The following CNTNAP2 variants were observed in gnomAD, a reference collection of about 807,000 sequenced individuals.
The protein encoded by CNTNAP2 is contactin-associated protein-like 2.
CNTNAP2 carries 98 observed loss-of-function variants against 155.2 expected under a neutral mutation model. The observed-to-expected ratio is 0.63, with a 90% CI of 0.54 to 0.75. The LOEUF (loss-of-function observed/expected upper bound fraction) is 0.75. CNTNAP2 is among the 30% of genes least tolerant of loss of function. The pLI, the probability that CNTNAP2 is intolerant of heterozygous loss-of-function variation, is 0.00. For missense variants in CNTNAP2, 1,727 were observed against 1,688.1 expected (o/e 1.02, Z -0.40); for synonymous variants, 651 against 631.2 (o/e 1.03, Z -0.47).
intron 1 of CNTNAP2, among the ~76,000 whole-genome samples, chr7:146,579,742 C>T (rs1490824499): frequency 6.6e-6 from 1 of 152,044 alleles, no homozygotes; most frequent in Non-Finnish European, 1.5e-5. Flanking sequence ...TAACAAACAA[C>T]CAAAAATACA....
chr7:146,642,961 T>C (rs1345361366), intron 1 of CNTNAP2, among the ~76,000 whole-genome samples: 4 of 150,510 alleles, frequency 2.7e-5, no homozygotes, highest in Non-Finnish European at 5.9e-5. Flanking sequence ...TGTCTTCTTT[T>C]GAGAAGTGTC....
intron 1 of CNTNAP2, among the ~76,000 whole-genome samples, chr7:146,454,296 T>A (rs906086869): frequency 6.6e-6 from 1 of 152,200 alleles, no homozygotes; most frequent in African/African-American, 2.4e-5. Context: ...AAGTATTTCT[T>A]ACCCCCTTTA....
At chr7:146,817,710 C>T (rs879625847) in intron 2 of CNTNAP2, among the ~76,000 whole-genome samples, 4 of 151,942 alleles carry the variant, frequency 2.6e-5, no homozygotes, top group Admixed American at 6.6e-5. Flanking sequence ...AACCAGATCT[C>T]GTGAGAACTC....
Position 146,480,352 on chromosome 7 carries a change from G to A in CNTNAP2, c.98-293919G>A, listed in dbSNP as rs189240840. Among the ~76,000 whole-genome samples, 273 of 152,230 alleles carry A rather than the reference G, an allele frequency of 1.8e-3. 1 individual carries two copies. Among genetic ancestry groups the A allele is most frequent in the African/African-American group, 5.8e-3 (242 of 41,536 alleles). ...GAATGATTTGATTATAGGTACCAGTGTCATGGCTTTATAAAGATGGTTATG... is the reference window on the plus strand; with the variant it reads ...GAATGATTTGATTATAGGTACCAGTATCATGGCTTTATAAAGATGGTTATG... On this transcript the variant is annotated intron_variant, in intron 1 of 23. Transcript: ENST00000361727.
intron 21 of CNTNAP2, among the ~76,000 whole-genome samples, chr7:148,330,268 AT>A (rs1797965325): frequency 6.6e-6 from 1 of 151,172 alleles, no homozygotes; most frequent in African/African-American, 2.4e-5. Context: ...GGACGGATGG[AT>A]GTAATGGATC....
At chr7:147,474,247 T>G (rs1249154627) in intron 10 of CNTNAP2, among the ~76,000 whole-genome samples, 1 of 151,840 alleles carries the variant, frequency 6.6e-6, no homozygotes, top group Non-Finnish European at 1.5e-5. Flanking sequence ...TTGCAGAGAT[T>G]AGAGAGCTCA....
At chr7:147,007,261 G>A (rs1041552199) in intron 3 of CNTNAP2, among the ~76,000 whole-genome samples, 14 of 152,086 alleles carry the variant, frequency 9.2e-5, no homozygotes, top group Non-Finnish European at 1.8e-4. Context: ...GGCTGGATAA[G>A]CCTAACCATA....
At chr7:147,357,649 T>C (rs1456148408) in intron 9 of CNTNAP2, among the ~76,000 whole-genome samples, 1 of 152,154 alleles carries the variant, frequency 6.6e-6, no homozygotes, top group Non-Finnish European at 1.5e-5. Context: ...TGTGACTTAC[T>C]CTCCTGGACA....
intron 1 of CNTNAP2, among the ~76,000 whole-genome samples, chr7:146,539,088 T>C (rs1430188365): frequency 2.0e-5 from 3 of 152,144 alleles, no homozygotes; most frequent in African/African-American, 7.2e-5. Context: ...TCAAGCTGTC[T>C]TGTATTTCAC....
intron 13 of CNTNAP2, among the ~76,000 whole-genome samples, chr7:147,892,542 A>T (rs555292588): frequency 6.6e-6 from 1 of 152,292 alleles, no homozygotes; most frequent in South Asian, 2.1e-4. Flanking sequence ...GAATTGGCCT[A>T]TTCTTTAATA....
intron 1 of CNTNAP2, among the ~76,000 whole-genome samples, chr7:146,492,424 CA>C (rs1451361600): frequency 6.6e-6 from 1 of 152,300 alleles, no homozygotes; most frequent in African/African-American, 2.4e-5. Flanking sequence ...CATCACAAAT[CA>C]ATCCACGTTT....
intron 13 of CNTNAP2, among the ~76,000 whole-genome samples, chr7:147,837,772 T>C (rs1304413315): frequency 1.3e-5 from 2 of 152,184 alleles, no homozygotes; most frequent in Non-Finnish European, 2.9e-5. Context: ...CTGTCAAATC[T>C]TAAAGCTCCA....
At chr7:147,349,579 T>C (rs1367345790) in intron 9 of CNTNAP2, among the ~76,000 whole-genome samples, 4 of 151,756 alleles carry the variant, frequency 2.6e-5, no homozygotes, top group African/African-American at 9.7e-5. Flanking sequence ...AATGAGAAAA[T>C]TGATAATCCT....
intron 1 of CNTNAP2, among the ~76,000 whole-genome samples, chr7:146,377,227 T>C (rs901450994): frequency 6.6e-6 from 1 of 152,178 alleles, no homozygotes; most frequent in South Asian, 2.1e-4. Context: ...CAATGTGCTC[T>C]CTTTTGTACT....
chr7:147,493,188 A>G (rs1239655926), intron 11 of CNTNAP2, among the ~76,000 whole-genome samples: 1 of 152,244 alleles, frequency 6.6e-6, no homozygotes, highest in Non-Finnish European at 1.5e-5. Context: ...ACCATAGGAT[A>G]TCTCAGTATT....
intron 3 of CNTNAP2, among the ~76,000 whole-genome samples, chr7:146,934,533 G>T (rs987399394): frequency 1.3e-5 from 2 of 151,836 alleles, no homozygotes; most frequent in Non-Finnish European, 2.9e-5. Context: ...CACTAGCATG[G>T]CACATGTATA....
chr7:147,602,509 T>G (rs1800969458), intron 12 of CNTNAP2, among the ~76,000 whole-genome samples: 1 of 152,140 alleles, frequency 6.6e-6, no homozygotes, highest in Admixed American at 6.5e-5. Flanking sequence ...TTTTTAATAC[T>G]TTAAGTTTTA....
intron 21 of CNTNAP2, among the ~76,000 whole-genome samples, chr7:148,346,892 G>T (rs1225747423): frequency 6.6e-6 from 1 of 151,948 alleles, no homozygotes; most frequent in Non-Finnish European, 1.5e-5. Flanking sequence ...CAGGTTTCGG[G>T]TTTCACAGAA....
chr7:147,466,741 AC>A (rs1230101152), intron 10 of CNTNAP2, among the ~76,000 whole-genome samples: 46 of 152,070 alleles, frequency 3.0e-4, no homozygotes, highest in African/African-American at 1.0e-3. Context: ...ACATGGTGAT[AC>A]CCCCGTCTCT....
Sources: allele counts gnomAD v4.1 joint callset (sites outside exome capture counted in the v4.1 genomes callset), GRCh38; gene constraint gnomAD v4.1.1; transcripts MANE v1.5; gene names NCBI Gene and HGNC (gene_info 2026-07-23, HGNC 2026-07-21).